PACRGL: variants seen among roughly 807,000 people sequenced by gnomAD.
PACRGL encodes the protein parkin coregulated like, also known as PACRG-like protein.
In PACRGL, 38 loss-of-function variants were observed where a neutral mutation model predicts 34.5. The ratio of observed to expected loss-of-function variants is 1.10; its 90% CI spans 0.85 to 1.44. The LOEUF (loss-of-function observed/expected upper bound fraction) is 1.44, where lower values mean the gene tolerates loss of function less well. Ranked by LOEUF, PACRGL falls within the 40% of genes most tolerant of loss-of-function variation. The pLI is 0.00. For synonymous variants in PACRGL, 128 were observed against 100.1 expected (o/e 1.28, Z -1.66); for missense variants, 305 against 281.4 (o/e 1.08, Z -0.60).
chr4:20,706,743 T>G (rs1734663944), intron 3 of PACRGL, among the ~76,000 whole-genome samples: 1 of 151,946 alleles, frequency 6.6e-6, no homozygotes, highest in South Asian at 2.1e-4. Context: ...CCTGGCTAGT[T>G]TTTTGTATTT....
chr4:20,717,088 G>A (rs181130604), intron 7 of PACRGL, among the ~76,000 whole-genome samples: 63 of 152,244 alleles, frequency 4.1e-4, no homozygotes, highest in Admixed American at 1.4e-3. Context: ...GGCCAGTGAT[G>A]ATGAGCATTT....
intron 1 of PACRGL, chr4:20,702,634 AT>A (rs34064017): frequency 1.2e-4 from 18 of 150,962 alleles, no homozygotes; most frequent in Admixed American, 5.9e-4. Flanking sequence ...AAACTGATGC[AT>A]TTTTTTTTTC....
intron 1 of PACRGL, among the ~76,000 whole-genome samples, 171 bp downstream of exon 1, chr4:20,700,958 C>T (rs1343595261): frequency 1.3e-5 from 2 of 151,942 alleles, no homozygotes; most frequent in Non-Finnish European, 2.9e-5. Context: ...ATTCTAAGAC[C>T]CCTAAGCAGA....
intron 8 of PACRGL, among the ~76,000 whole-genome samples, chr4:20,751,661 G>A (rs536683778): frequency 6.6e-6 from 1 of 151,968 alleles, no homozygotes; most frequent in African/African-American, 2.4e-5. Flanking sequence ...ATAAATAATG[G>A]CTCAAAACAA....
rs1739115955 is a variant in PACRGL at position 20,714,936 on chromosome 4, AG to A, written c.609+1399del. 2.0e-5 allele frequency among the ~76,000 whole-genome samples: 3 copies of A among 152,184 alleles called. No homozygotes were observed. The South Asian group carries it at 6.2e-4, about 31-fold the overall frequency. Reference sequence around the variant, plus strand: ...ATCCCATTACTGGGTATATACCCAAAGGACTATAAATCATGCTGCTATAAAG... The same window carrying A: ...ATCCCATTACTGGGTATATACCCAAAGACTATAAATCATGCTGCTATAAAG... On this transcript the variant is annotated intron_variant, in intron 7 of 8. Coordinates refer to ENST00000503585, the MANE Select transcript of PACRGL (RefSeq NM_001258345.3).
intron 7 of PACRGL, among the ~76,000 whole-genome samples, chr4:20,714,653 A>C (rs978460345): frequency 6.6e-6 from 1 of 152,086 alleles, no homozygotes; most frequent in Non-Finnish European, 1.5e-5. Flanking sequence ...GTTCCTTTCC[A>C]TGTTTAGTGC....
At chr4:20,701,368 T>C (rs1732110205) in intron 1 of PACRGL, 1 of 155,032 alleles carries the variant, frequency 6.5e-6, no homozygotes, top group Non-Finnish European at 1.4e-5. Context: ...TAGGGTGGTT[T>C]GTTTGCTTTC....
the PACRGL span, among the ~76,000 whole-genome samples, chr4:20,766,131 T>C: frequency 6.6e-6 from 1 of 152,172 alleles, no homozygotes; most frequent in Non-Finnish European, 1.5e-5. Context: ...TTACATGGAT[T>C]ATCTCGTGGG....
intron 7 of PACRGL, among the ~76,000 whole-genome samples, chr4:20,724,315 T>G (rs10022322): frequency 0.32 from 49,072 of 151,774 alleles, 8,348 homozygotes; most frequent in African/African-American, 0.43. Flanking sequence ...TGTAAACCTC[T>G]GTGCTATACA....
intron 8 of PACRGL, among the ~76,000 whole-genome samples, chr4:20,737,662 G>A (rs182218807): frequency 1.3e-5 from 2 of 152,300 alleles, no homozygotes; most frequent in African/African-American, 4.8e-5. Context: ...AAGAATCTGA[G>A]GTTTGAGGAG....
At chr4:20,708,672 T>G (rs1018418785) in intron 4 of PACRGL, among the ~76,000 whole-genome samples, 1 of 152,062 alleles carries the variant, frequency 6.6e-6, no homozygotes, top group Non-Finnish European at 1.5e-5. Flanking sequence ...CTTACTCTTA[T>G]GAAAATAAGC....
At chr4:20,709,864 C>G (rs779025739) in intron 5 of PACRGL, 91 bp downstream of exon 5, 1 of 1,088,524 alleles carries the variant, frequency 9.2e-7, no homozygotes, top group Non-Finnish European at 1.4e-6. Flanking sequence ...AAATTTCATT[C>G]TATGCCTTTG....
chr4:20,748,591 TA>T lies in PACRGL; in HGVS notation c.*57-3973del, dbSNP rs1466720165. ...ATATATATATATATATATATATATA[TA>T]TATATATATATATTCCATAAGTAAA... On this transcript the variant is annotated intron_variant, in intron 8 of 8. Coordinates refer to the PACRGL transcript ENST00000507634. 8.0e-3 allele frequency among the ~76,000 whole-genome samples: 821 copies of T among 102,406 alleles called. 9 individuals are homozygous for T. The highest frequency in any genetic ancestry group is 0.012 in the Non-Finnish European group (554 of 47,578). 67.2% of individuals were successfully genotyped at this position (102,406 alleles called of 152,430 possible). A position where few individuals can be genotyped will look rare whatever the true frequency, so the allele number is the denominator to read the frequency against.
chr4:20,713,053 A>G (rs1560319681), intron 6 of PACRGL, 131 bp downstream of exon 6: 2 of 994,554 alleles, frequency 2.0e-6, no homozygotes, highest in South Asian at 2.6e-5. Context: ...TGTGATTCTG[A>G]CACATTTACA....
chr4:20,750,977 A>G (rs1038261313), intron 8 of PACRGL, among the ~76,000 whole-genome samples: 2 of 152,210 alleles, frequency 1.3e-5, no homozygotes, highest in Non-Finnish European at 2.9e-5. Flanking sequence ...ACAGGAGTAC[A>G]GAATTGCCCT....
intron 1 of PACRGL, 82 bp from the exon 2 acceptor site, chr4:20,704,384 T>C: frequency 7.8e-7 from 1 of 1,285,402 alleles, no homozygotes; most frequent in Non-Finnish European, 1.1e-6. Flanking sequence ...TTGTATACTC[T>C]GTTCTGGTTT....
upstream of PACRGL, among the ~76,000 whole-genome samples, chr4:20,700,119 G>C (rs540475027): frequency 3.3e-5 from 5 of 152,290 alleles, no homozygotes; most frequent in African/African-American, 1.2e-4. Context: ...GGGTAAGATA[G>C]CTGAGGAACA....
At chr4:20,749,598 A>T (rs1255352128) in intron 8 of PACRGL, 2 of 1,158,260 alleles carry the variant, frequency 1.7e-6, no homozygotes, top group African/African-American at 3.1e-5. Context: ...CCAAACTCAC[A>T]TTTTCCCCCT....
At chr4:20,743,939 A>G (rs1751795687) in intron 8 of PACRGL, among the ~76,000 whole-genome samples, 1 of 152,200 alleles carries the variant, frequency 6.6e-6, no homozygotes, top group African/African-American at 2.4e-5. Flanking sequence ...AAACCCTTCA[A>G]AAAGTGGGCA....
Sources: gnomAD v4.1 joint callset for allele counts (sites outside exome capture counted in the v4.1 genomes callset) on GRCh38, gnomAD v4.1.1 for gene constraint, MANE v1.5 for transcripts, NCBI Gene and HGNC (gene_info 2026-07-23, HGNC 2026-07-21) for gene names.